Variants in NSMCE1 observed in about 807,000 individuals in gnomAD.
NSMCE1 encodes NSE1 component of SMC5/6 complex.
NSMCE1 carries 18 observed loss-of-function variants against 29.6 expected under a neutral mutation model. The observed-to-expected ratio is 0.61, with a 90% CI of 0.42 to 0.90. The LOEUF is 0.90. NSMCE1 is among the 40% of genes least tolerant of loss of function. NSMCE1 has a pLI of 0.00. For missense variants in NSMCE1, 314 were observed against 343.6 expected (o/e 0.91, Z 0.68); for synonymous variants, 124 against 133.4 (o/e 0.93, Z 0.49).
At position 27,257,421 on chromosome 16, in the gene NSMCE1, G is replaced by C; in HGVS notation, c.136+14C>G. 3 of 1,601,240 alleles carry C rather than the reference G, an allele frequency of 1.9e-6. No individual in the cohort carries two copies. The highest frequency in any genetic ancestry group is 2.2e-5 in the South Asian group (2 of 89,700). On this transcript the variant is annotated intron_variant, in intron 2 of 7. Transcript: ENST00000361439. ...AGCACCAGAGCGCCCTGGGAACAGG[G>C]AAACGGTACTCACGGTCATGGACCT...
intron 7 of NSMCE1, 143 bp from the exon 8 acceptor site, chr16:27,225,379 C>T (rs918304993): frequency 1.7e-5 from 11 of 640,902 alleles, no homozygotes; most frequent in Admixed American, 1.0e-4. Flanking sequence ...CTCCCCAGCC[C>T]GTGAGGAAGG....
At chr16:27,233,905 G>A (rs138747211) in intron 4 of NSMCE1, 139 of 379,526 alleles carry the variant, frequency 3.7e-4, no homozygotes, top group African/African-American at 2.7e-3. Context: ...CAGCCAGGCA[G>A]GAACGCCTGT....
intron 2 of NSMCE1, among the ~76,000 whole-genome samples, chr16:27,244,088 G>C (rs1388725910): frequency 6.6e-6 from 1 of 152,226 alleles, no homozygotes; most frequent in African/African-American, 2.4e-5. Context: ...CCTCCACTCA[G>C]GCACACCTGA....
rs538941826 is a variant in NSMCE1, at chr16:27,259,677, C to T, written c.-11-2096G>A. Among the ~76,000 whole-genome samples, 6 of 152,196 alleles carry T rather than the reference C, an allele frequency of 3.9e-5. No homozygotes were observed. The East Asian group carries it at 9.7e-4, about 25-fold the overall frequency. Reference sequence around the variant, plus strand: ...GGCTTGGCAGTGGGGACAAATGATACGAATCACTGTCATTGTGATCCCATC... The same window carrying T: ...GGCTTGGCAGTGGGGACAAATGATATGAATCACTGTCATTGTGATCCCATC... On this transcript the variant is annotated intron_variant, in intron 1 of 7. Coordinates refer to ENST00000361439, the MANE Select transcript of NSMCE1 (RefSeq NM_145080.4).
At chr16:27,231,087 G>A (rs898013782) in intron 5 of NSMCE1, among the ~76,000 whole-genome samples, 6 of 152,264 alleles carry the variant, frequency 3.9e-5, no homozygotes, top group African/African-American at 1.4e-4. Context: ...GGATGTTGGG[G>A]CACTCGGCTC....
chr16:27,265,027 C>T (rs1280511028), intron 1 of NSMCE1, among the ~76,000 whole-genome samples: 1 of 152,054 alleles, frequency 6.6e-6, no homozygotes, highest in Non-Finnish European at 1.5e-5. Context: ...TGCTCAATCT[C>T]AATGTTATCA....
At chr16:27,260,354 C>A (rs557210712) in intron 1 of NSMCE1, among the ~76,000 whole-genome samples, 314 of 151,558 alleles carry the variant, frequency 2.1e-3, no homozygotes, top group African/African-American at 6.3e-3. Flanking sequence ...TCTAGAGTAA[C>A]AACTTTTAAA....
chr16:27,245,672 G>A (rs957327519), intron 2 of NSMCE1, among the ~76,000 whole-genome samples: 1 of 152,178 alleles, frequency 6.6e-6, no homozygotes, highest in South Asian at 2.1e-4. Context: ...ATAACTGCCG[G>A]CTGTCAATTC....
At chr16:27,242,050 T>C (rs1358129547) in intron 2 of NSMCE1, among the ~76,000 whole-genome samples, 3 of 152,130 alleles carry the variant, frequency 2.0e-5, no homozygotes, top group Non-Finnish European at 4.4e-5. Flanking sequence ...GGTAAGCAGG[T>C]ACAAACATAA....
chr16:27,241,762 C>A, intron 2 of NSMCE1: 1 of 403,668 alleles, frequency 2.5e-6, no homozygotes. Flanking sequence ...ATCGGTGCAC[C>A]AGCTCATTCA....
intron 1 of NSMCE1, among the ~76,000 whole-genome samples, chr16:27,260,085 A>G (rs1443887874): frequency 6.6e-6 from 1 of 152,256 alleles, no homozygotes; most frequent in African/African-American, 2.4e-5. Context: ...TAGAATAAAG[A>G]GCAAAAAAAG....
intron 1 of NSMCE1, among the ~76,000 whole-genome samples, chr16:27,264,089 C>T (rs967518703): frequency 6.6e-6 from 1 of 152,126 alleles, no homozygotes; most frequent in Non-Finnish European, 1.5e-5. Context: ...ATTTGCTGGG[C>T]GCGATGGCTC....
intron 5 of NSMCE1, among the ~76,000 whole-genome samples, chr16:27,227,585 G>T (rs1428919041): frequency 6.6e-6 from 1 of 152,184 alleles, no homozygotes; most frequent in Non-Finnish European, 1.5e-5. Flanking sequence ...GCAGGCAAAT[G>T]ACACGGGACC....
intron 2 of NSMCE1, among the ~76,000 whole-genome samples, chr16:27,251,925 G>C (rs1277081816): frequency 6.6e-6 from 1 of 152,124 alleles, no homozygotes; most frequent in Non-Finnish European, 1.5e-5. Context: ...ACCTCTACCT[G>C]CCTTAGTCTC....
intron 1 of NSMCE1, among the ~76,000 whole-genome samples, chr16:27,264,565 C>G (rs572650034): frequency 4.6e-5 from 7 of 152,056 alleles, no homozygotes; most frequent in Non-Finnish European, 1.0e-4. Context: ...GCCAGGAAAA[C>G]TTGTTATCCA....
chr16:27,241,937 C>T, intron 2 of NSMCE1: 1 of 404,882 alleles, frequency 2.5e-6, no homozygotes, highest in South Asian at 1.7e-5. Context: ...AATCAGATGT[C>T]TGGCCATTAG....
At position 27,232,812 on chromosome 16, in the gene NSMCE1, G is replaced by A. The variant is rs1192147122; in HGVS notation, c.483+189C>T. On this transcript the variant is annotated intron_variant, in intron 5 of 7. Transcript: ENST00000361439. The surrounding 1 kb of genome is among the most constrained non-coding windows in gnomAD (Gnocchi z 4.5). ...TGAACACATCATCTGGGTGAACGGGGAGTGGGAGGCAGGAGGAGTGAGGCC... is the reference window on the plus strand; with the variant it reads ...TGAACACATCATCTGGGTGAACGGGAAGTGGGAGGCAGGAGGAGTGAGGCC... Among the ~76,000 whole-genome samples, 4 of 152,266 alleles carry A rather than the reference G, an allele frequency of 2.6e-5. No individual in the cohort carries two copies. The highest frequency in any genetic ancestry group is 4.4e-5 in the Non-Finnish European group (3 of 68,046).
At chr16:27,261,912 T>C (rs1016443772) in intron 1 of NSMCE1, among the ~76,000 whole-genome samples, 33 of 152,218 alleles carry the variant, frequency 2.2e-4, no homozygotes, top group Non-Finnish European at 1.3e-4. Flanking sequence ...AATCAATCAA[T>C]GTGAGTCACC....
chr16:27,231,551 C>T (rs1399506812), intron 5 of NSMCE1, among the ~76,000 whole-genome samples: 4 of 151,850 alleles, frequency 2.6e-5, no homozygotes, highest in Non-Finnish European at 4.4e-5. Flanking sequence ...GCAGGAGAAT[C>T]GCTTGAATCC....
Sources: gnomAD v4.1 joint callset for allele counts (sites outside exome capture counted in the v4.1 genomes callset) on GRCh38, gnomAD v4.1.1 for gene constraint, Gnocchi (gnomAD v3.1) non-coding constraint, MANE v1.5 for transcripts, NCBI Gene and HGNC (gene_info 2026-07-23, HGNC 2026-07-21) for gene names.